Variants in DDB1 observed in about 807,000 individuals in gnomAD.
DDB1 encodes damage specific DNA binding protein 1, also known as DNA damage-binding protein 1.
A neutral mutation model predicts 133.1 loss-of-function variants in DDB1; 18 were observed. The ratio of observed to expected loss-of-function variants is 0.14; its 90% CI spans 0.09 to 0.20. DDB1 has a LOEUF of 0.20. Among genes scored for constraint, DDB1 ranks in the 10% least tolerant of loss-of-function variants. DDB1 has a pLI of 1.00. For synonymous variants in DDB1, 580 were observed against 550.5 expected, an observed-to-expected ratio of 1.05 and a Z score of -0.75; for missense variants, 828 against 1,459.2, an observed-to-expected ratio of 0.57 and a Z score of 7.05.
intron 26 of DDB1, 85 bp downstream of exon 26, chr11:61,300,724 G>A: frequency 6.4e-7 from 1 of 1,571,856 alleles, no homozygotes; most frequent in Non-Finnish European, 8.7e-7. Flanking sequence ...GAACTGAGGA[G>A]GAGAGGTGCC....
intron 18 of DDB1, 135 bp downstream of exon 18, chr11:61,311,649 C>T (rs1440617603): frequency 1.8e-5 from 13 of 719,644 alleles, no homozygotes; most frequent in Admixed American, 6.3e-5. Context: ...TTTCAGGCTA[C>T]GATGGCAAAG....
At chr11:61,303,180 G>C (rs776294703) in intron 22 of DDB1, 25 bp from the exon 23 acceptor site, 2 of 1,607,002 alleles carry the variant, frequency 1.2e-6, no homozygotes, top group South Asian at 1.1e-5. Flanking sequence ...GGTGAAAGAA[G>C]AAAGCATAAT....
At chr11:61,322,766 T>C in intron 8 of DDB1, 1 of 549,096 alleles carries the variant, frequency 1.8e-6, no homozygotes, top group Non-Finnish European at 3.2e-6. Context: ...TATTTGAAGG[T>C]AGGAGCTGGG....
At chr11:61,302,833 G>A (rs557895641) in intron 23 of DDB1, 82 bp from the exon 24 acceptor site, 72 of 1,557,144 alleles carry the variant, frequency 4.6e-5, no homozygotes, top group South Asian at 2.2e-4. Flanking sequence ...CAGTGGTCAC[G>A]GTGCTCAATT....
Position 61,303,700 on chromosome 11 carries a change from C to CAAAAAA in DDB1, c.2832+159_2832+164dup, listed in dbSNP as rs59840297. ...GCCTGGACAGAGCCAGACTGCGTCT[C>CAAAAAA]AAAAAAAAAAAAAAAAAAAAAAAAC... On this transcript the variant is annotated intron_variant, in intron 22 of 26. Transcript: ENST00000301764. Among the ~76,000 whole-genome samples the CAAAAAA allele has an allele frequency of 2.5e-4, 11 of 44,246 alleles. 1 individual carries two copies. The highest frequency in any genetic ancestry group is 7.9e-4 in the African/African-American group (11 of 13,934). The allele number at this position is 44,246 out of a possible 152,430, so 29.0% of individuals were successfully genotyped here. A position where few individuals can be genotyped will look rare whatever the true frequency, so the allele number is the denominator to read the frequency against.
At chr11:61,331,490 A>C (rs1310538480) in intron 2 of DDB1, 53 bp downstream of exon 2, 11 of 1,581,896 alleles carry the variant, frequency 7.0e-6, no homozygotes, top group Non-Finnish European at 8.6e-6. Context: ...AACATAAAAC[A>C]ACCTACGACC....
chr11:61,310,493 G>A (rs1462988484), intron 18 of DDB1, 75 bp from the exon 19 acceptor site: 19 of 1,476,850 alleles, frequency 1.3e-5, no homozygotes, highest in Admixed American at 1.2e-4. Context: ...GAAGGGACCC[G>A]TCAGATCAGG....
rs1856194850 is a variant in DDB1, at chr11:61,322,303, T to G, written c.1115A>C (p.Gln372Pro). 6.2e-7 allele frequency: 1 copy of G among 1,614,034 alleles called. No homozygotes were observed. ...TTTCAGAATGGCCCTTACCTGCCCCTGCCCCTGCCTCTCCAGGTCCACCAC... is the reference window on the plus strand; with the variant it reads ...TTTCAGAATGGCCCTTACCTGCCCCGGCCCCTGCCTCTCCAGGTCCACCAC... ...MCVVDLERQG[Q>P]GQLVTCSGAF... Residue 372 changes from glutamine (Q) to proline (P), a missense_variant, in exon 9 of 27, where the codon CAG becomes CCG. Gln to Pro is a moderately conservative substitution (Grantham distance 76). Coordinates refer to ENST00000301764, the MANE Select transcript of DDB1 (RefSeq NM_001923.5).
At position 61,317,239 on chromosome 11, in the gene DDB1, G is replaced by A. The variant is rs192195929; in HGVS notation, c.1226-672C>T. Among the ~76,000 whole-genome samples, 309 of 151,346 alleles carry A rather than the reference G, an allele frequency of 2.0e-3. 3 individuals are homozygous for A. Among genetic ancestry groups the A allele is most frequent in the African/African-American group, 7.1e-3 (294 of 41,312 alleles). ...CACCATTCTCCTGCCTCAGCCTCCC[G>A]AGTAGCTGGGAAGGCAGGTGCCCGC... On this transcript the variant is annotated intron_variant, in intron 10 of 26. Coordinates refer to ENST00000301764, the MANE Select transcript of DDB1 (RefSeq NM_001923.5).
At position 61,313,533 on chromosome 11, in the gene DDB1, T is replaced by G; in HGVS notation, c.2035A>C (p.Met679Leu). The G allele has an allele frequency of 6.2e-7, 1 of 1,614,164 alleles. No individual in the cohort carries two copies. The highest frequency in any genetic ancestry group is 8.5e-7 in the Non-Finnish European group (1 of 1,180,018). Residue 679 changes from methionine to leucine, a missense_variant, in exon 16 of 27, where the codon ATG (methionine) becomes CTG (leucine). Around this residue, in one of 7 missense-constraint regions of DDB1, gnomAD observed 396 missense variants for 554.1 expected, o/e 0.71. Transcript: ENST00000301764. ...TAGCCATCTGAATTGAGGGGACACATGTAGTTCACTTCCTTGAGGTTGACA... is the reference window on the plus strand; with the variant it reads ...TAGCCATCTGAATTGAGGGGACACAGGTAGTTCACTTCCTTGAGGTTGACA... Reference protein sequence around the residue: ...SNVNLKEVNYMCPLNSDGYPD... With the variant: ...SNVNLKEVNYLCPLNSDGYPD...
rs1056048628 is a variant in DDB1, at chr11:61,323,999, G to A, written c.901C>T (p.Arg301Cys). 5.0e-6 allele frequency: 8 copies of A among 1,613,588 alleles called. No homozygotes were observed. Among genetic ancestry groups the A allele is most frequent in the Non-Finnish European group, 6.8e-6 (8 of 1,179,824 alleles). Residue 301 changes from arginine (R) to cysteine (C), a missense_variant, in exon 7 of 27, where the codon CGT becomes TGT. By Grantham distance (180) the Arg-to-Cys change is radical. This residue lies in a region of DDB1 where 35 missense variants were observed against 57.5 expected (regional missense o/e 0.61). Coordinates refer to ENST00000301764, the MANE Select transcript of DDB1 (RefSeq NM_001923.5). ...MDGTVTLKDL[R>C]VELLGETSIA... is the part of the protein sequence containing the mutation. The stretch of plus-strand genomic sequence containing the variant: ...TCTACCTCTCCAAGGAGTTCTACAC[G>A]GAGATCCTTGAGAGTGACGGTGCCA...
chr11:61,323,401 G>T, intron 7 of DDB1: 1 of 327,550 alleles, frequency 3.1e-6, no homozygotes, highest in Admixed American at 4.3e-5. Context: ...ACTGAAATCA[G>T]CAATAATCTT....
chr11:61,324,737 A>G (rs1024462660), intron 6 of DDB1, among the ~76,000 whole-genome samples: 5 of 152,212 alleles, frequency 3.3e-5, no homozygotes, highest in African/African-American at 1.2e-4. Flanking sequence ...TTTAAGGCTT[A>G]ATTTTTACAA....
In DDB1 at chr11:61,324,120, G is replaced by A. The variant is rs771566341; in HGVS notation, c.780C>T (p.Cys260=). 2.5e-6 allele frequency: 4 copies of A among 1,614,056 alleles called. No individual in the cohort carries two copies. The highest frequency in any genetic ancestry group is 2.2e-5 in the South Asian group (2 of 91,082). The stretch of plus-strand genomic sequence containing the variant: ...AGCCATTAGGGTCCACTCGATTGTG[G>A]CACACAATCGTGCTTTGCTGCCAAT... The part of the protein sequence containing the change: ...PPIIKQSTIV[C]HNRVDPNGSR... The change falls in exon 7 of 27, where the codon TGC becomes TGT. Residue 260 remains cysteine, a synonymous_variant. Coordinates refer to ENST00000301764, the MANE Select transcript of DDB1 (RefSeq NM_001923.5).
intron 9 of DDB1, chr11:61,321,935 G>C (rs1257896884): frequency 3.6e-6 from 2 of 554,162 alleles, no homozygotes; most frequent in Admixed American, 3.1e-5. Context: ...AGCTTGCTTA[G>C]ATCGCTGGGA....
chr11:61,322,848 A>G, intron 8 of DDB1, 163 bp downstream of exon 8: 1 of 641,216 alleles, frequency 1.6e-6, no homozygotes, highest in Non-Finnish European at 2.7e-6. Flanking sequence ...CACAAAGGCA[A>G]AGAGCTAGTC....
chr11:61,310,237 A>T, intron 19 of DDB1, 58 bp downstream of exon 19: 1 of 1,573,592 alleles, frequency 6.4e-7, no homozygotes, highest in Non-Finnish European at 8.6e-7. Context: ...ACCAGAGCCC[A>T]GAACAGCCTG....
intron 16 of DDB1, 59 bp downstream of exon 16, chr11:61,313,440 G>A: frequency 6.7e-7 from 1 of 1,500,180 alleles, no homozygotes; most frequent in Non-Finnish European, 9.2e-7. Flanking sequence ...AGGGTTTGAG[G>A]AAAACATCAT....
At chr11:61,321,049 T>C (rs1856169514) in intron 10 of DDB1, among the ~76,000 whole-genome samples, 1 of 152,014 alleles carries the variant, frequency 6.6e-6, no homozygotes, top group African/African-American at 2.4e-5. Flanking sequence ...CACCCCTGGC[T>C]AATTTTTAAT....
Sources: gnomAD v4.1 joint callset for allele counts (sites outside exome capture counted in the v4.1 genomes callset) on GRCh38, gnomAD v4.1.1 for gene constraint, gnomAD v4.1.1 regional missense constraint, MANE v1.5 for transcripts, NCBI Gene and HGNC (gene_info 2026-07-23, HGNC 2026-07-21) for gene names.